Variants in RASGEF1A observed in about 807,000 individuals in gnomAD.
RASGEF1A encodes RasGEF domain family member 1A.
Under a neutral mutation model 56.4 loss-of-function variants are expected in RASGEF1A, and 18 were observed. That is an observed-to-expected ratio of 0.32 (90% CI 0.22 to 0.47). The LOEUF (loss-of-function observed/expected upper bound fraction) is 0.47, where lower values mean the gene tolerates loss of function less well. Among genes scored for constraint, RASGEF1A ranks in the 20% least tolerant of loss-of-function variants. The probability of loss-of-function intolerance (pLI) is 1.00; values close to 1 mark genes in which losing one functional copy is unlikely to be tolerated. For missense variants in RASGEF1A, 422 were observed against 627.1 expected, an observed-to-expected ratio of 0.67 and a Z score of 3.49; for synonymous variants, 245 against 242.6, an observed-to-expected ratio of 1.01 and a Z score of -0.09.
At chr10:43,264,890 T>A (rs1836596972) in intron 1 of RASGEF1A, among the ~76,000 whole-genome samples, 1 of 152,120 alleles carries the variant, frequency 6.6e-6, no homozygotes, top group African/African-American at 2.4e-5. Context: ...CTTGACCTAT[T>A]TGACAAATAG....
At chr10:43,206,170 C>A in intron 1 of RASGEF1A, 48 bp from the exon 2 acceptor site, 2 of 1,451,620 alleles carry the variant, frequency 1.4e-6, no homozygotes, top group Non-Finnish European at 1.9e-6. Context: ...GCCTCCACAG[C>A]TCCACAGACC....
chr10:43,250,124 C>T (rs992016309), intron 1 of RASGEF1A, among the ~76,000 whole-genome samples: 1 of 152,214 alleles, frequency 6.6e-6, no homozygotes, highest in Admixed American at 6.5e-5. Context: ...ATGCCATGCA[C>T]CTGAAGGACC....
chr10:43,256,625 G>GA (rs1355352720), intron 1 of RASGEF1A, among the ~76,000 whole-genome samples: 3 of 152,146 alleles, frequency 2.0e-5, no homozygotes, highest in Non-Finnish European at 4.4e-5. Context: ...TGCGACTCTG[G>GA]ACCTCAGCCG....
At chr10:43,261,979 G>A (rs926427742) in intron 1 of RASGEF1A, among the ~76,000 whole-genome samples, 3 of 152,140 alleles carry the variant, frequency 2.0e-5, no homozygotes, top group Non-Finnish European at 4.4e-5. Context: ...GCTGTGGCTG[G>A]GCATGTCTCC....
chr10:43,252,704 G>T (rs1840640790), intron 1 of RASGEF1A, among the ~76,000 whole-genome samples: 1 of 152,088 alleles, frequency 6.6e-6, no homozygotes, highest in Non-Finnish European at 1.5e-5. Flanking sequence ...ACAGACAGAG[G>T]ACCCGGTTTC....
At chr10:43,252,034 C>T (rs1425074263) in intron 1 of RASGEF1A, among the ~76,000 whole-genome samples, 1 of 152,210 alleles carries the variant, frequency 6.6e-6, no homozygotes, top group East Asian at 1.9e-4. Context: ...GAGCTCCCAC[C>T]TGGCCCTGGC....
intron 1 of RASGEF1A, among the ~76,000 whole-genome samples, chr10:43,220,981 C>A (rs1022374366): frequency 5.3e-5 from 8 of 152,140 alleles, no homozygotes; most frequent in African/African-American, 1.9e-4. Context: ...GACACTCCTG[C>A]GGAGGGCCAT....
intron 1 of RASGEF1A, among the ~76,000 whole-genome samples, chr10:43,237,390 C>T (rs1372676331): frequency 2.0e-5 from 3 of 152,004 alleles, no homozygotes; most frequent in South Asian, 4.2e-4. Context: ...GCCCAGGCCC[C>T]GGAGCTGATC....
intron 1 of RASGEF1A, among the ~76,000 whole-genome samples, chr10:43,249,641 T>C (rs1840604934): frequency 1.3e-5 from 2 of 152,164 alleles, no homozygotes; most frequent in Admixed American, 6.5e-5. Flanking sequence ...TGCACACAGC[T>C]CGGGCCAGCA....
At chr10:43,207,645 A>T in intron 1 of RASGEF1A, 1 of 985,546 alleles carries the variant, frequency 1.0e-6, no homozygotes. Flanking sequence ...ACTCCAGGAC[A>T]GGGAGGTCAT....
At chr10:43,217,789 C>A (rs938733029) in intron 1 of RASGEF1A, among the ~76,000 whole-genome samples, 10 of 152,236 alleles carry the variant, frequency 6.6e-5, no homozygotes, top group Non-Finnish European at 1.3e-4. Flanking sequence ...CCTCCTACTC[C>A]CTGACCCAGG....
In RASGEF1A at chr10:43,206,223, G is replaced by A. The variant is rs536893431; in HGVS notation, c.-6-101C>T. On this transcript the variant is annotated intron_variant, in intron 1 of 12. Coordinates refer to ENST00000395810, the MANE Select transcript of RASGEF1A (RefSeq NM_145313.4). ...GCAGCGTGCATGCATGTGTGCAGGG[G>A]TGCGTGGCAGGGGCGCAGCGGCACT... The A allele has an allele frequency of 4.2e-5, 42 of 1,010,726 alleles. No homozygotes were observed. In the South Asian group the frequency reaches 6.3e-4, roughly 15 times the overall value. The allele number at this position is 1,010,726 out of a possible 1,614,324, so 62.6% of individuals were successfully genotyped here.
chr10:43,264,087 C>T (rs1005745986), intron 1 of RASGEF1A, among the ~76,000 whole-genome samples: 2 of 152,108 alleles, frequency 1.3e-5, no homozygotes. Context: ...GAGGGGCTTT[C>T]GGGCTTCCCT....
At chr10:43,264,794 G>A (rs940598351) in intron 1 of RASGEF1A, among the ~76,000 whole-genome samples, 2 of 152,018 alleles carry the variant, frequency 1.3e-5, no homozygotes, top group African/African-American at 4.8e-5. Flanking sequence ...ATGCAGAGAA[G>A]AGCATCCCTC....
chr10:43,220,538 C>T (rs1437594283), intron 1 of RASGEF1A, among the ~76,000 whole-genome samples: 6 of 152,140 alleles, frequency 3.9e-5, no homozygotes, highest in Admixed American at 1.3e-4. Context: ...AATCTCAACA[C>T]GATGGGAGGC....
At chr10:43,262,695 G>A (rs1026913719) in intron 1 of RASGEF1A, among the ~76,000 whole-genome samples, 3 of 152,232 alleles carry the variant, frequency 2.0e-5, no homozygotes, top group Non-Finnish European at 2.9e-5. Flanking sequence ...GAGCAGCCCC[G>A]GGCCCCCTGC....
In RASGEF1A at chr10:43,199,181, T is replaced by C. The variant is rs1412132319; in HGVS notation, c.863A>G (p.Lys288Arg). Residue 288 changes from lysine to arginine, a missense_variant, in exon 8 of 13, where the codon AAA becomes AGA. Around this residue, in one of 2 missense-constraint regions of RASGEF1A, gnomAD observed 149 missense variants for 287.2 expected, o/e 0.52. Transcript: ENST00000395810. ...ATEVCRVVKKKHRTRMLEFFI... is the reference protein window; with the variant it reads ...ATEVCRVVKKRHRTRMLEFFI... ...GAACTCCAACATGCGGGTCCGGTGT[T>C]TCTTCTTCACCACCTGGAAGGTGGC... 1 of 1,610,412 alleles carries C rather than the reference T, an allele frequency of 6.2e-7. No individual in the cohort carries two copies. Among genetic ancestry groups the C allele is most frequent in the East Asian group, 2.2e-5 (1 of 44,752 alleles).
intron 1 of RASGEF1A, among the ~76,000 whole-genome samples, chr10:43,258,441 T>C (rs1387698293): frequency 6.6e-6 from 1 of 152,210 alleles, no homozygotes; most frequent in African/African-American, 2.4e-5. Context: ...TGCCCTCCTC[T>C]TTCATGGCCA....
chr10:43,203,526 C>G (rs1839944413), intron 2 of RASGEF1A, 106 bp from the exon 3 acceptor site: 6 of 1,426,894 alleles, frequency 4.2e-6, no homozygotes, highest in Non-Finnish European at 5.5e-6. Flanking sequence ...CCAGCACCGC[C>G]GGTCCCGAGG....
Sources: allele counts gnomAD v4.1 joint callset (sites outside exome capture counted in the v4.1 genomes callset), GRCh38; gene constraint gnomAD v4.1.1; regional missense constraint gnomAD v4.1.1; transcripts MANE v1.5; gene names NCBI Gene and HGNC (gene_info 2026-07-23, HGNC 2026-07-21).